Variants in UBAC2 observed in about 807,000 individuals in gnomAD.
The protein encoded by UBAC2 is ubiquitin-associated domain-containing protein 2.
UBAC2 carries 26 observed loss-of-function variants against 44.0 expected under a neutral mutation model. The ratio of observed to expected loss-of-function variants is 0.59; its 90% CI spans 0.43 to 0.82. UBAC2 has a LOEUF of 0.82. Among genes scored for constraint, UBAC2 ranks in the 40% least tolerant of loss-of-function variants. UBAC2 has a pLI of 0.00. For missense variants in UBAC2, 329 were observed against 419.4 expected (o/e 0.78, Z 1.88); for synonymous variants, 155 against 154.3 (o/e 1.00, Z -0.04).
rs947314062 is a variant in UBAC2, at chr13:99,206,672, G to A, written c.31+5733G>A. On this transcript the variant is annotated intron_variant, in intron 1 of 8. Coordinates refer to ENST00000403766, the MANE Select transcript of UBAC2 (RefSeq NM_001144072.2). ...TCGAGCAAAACCCTAACTTTGCATT[G>A]ATTTATGGGGTCAAGTCTGGGCCCT... 7.9e-5 allele frequency among the ~76,000 whole-genome samples: 12 copies of A among 152,218 alleles called. 1 individual carries two copies. Among genetic ancestry groups the A allele is most frequent in the Non-Finnish European group, 2.9e-5 (2 of 68,032 alleles).
At chr13:99,337,193 C>T (rs752348316) in intron 6 of UBAC2, among the ~76,000 whole-genome samples, 14 of 152,160 alleles carry the variant, frequency 9.2e-5, no homozygotes, top group Non-Finnish European at 1.9e-4. Flanking sequence ...TCCAACAAAA[C>T]ACCCTGTTAA....
chr13:99,237,265 T>TACACACACAC lies in UBAC2; in HGVS notation c.32-1161_32-1160insCACACACACA, dbSNP rs778879715. Among the ~76,000 whole-genome samples the TACACACACAC allele has an allele frequency of 4.1e-3, 464 of 114,050 alleles. 2 individuals carry two copies. Among genetic ancestry groups the TACACACACAC allele is most frequent in the African/African-American group, 0.013 (425 of 33,466 alleles). 74.8% of individuals were successfully genotyped at this position (114,050 alleles called of 152,430 possible). On this transcript the variant is annotated intron_variant, in intron 1 of 8. Coordinates refer to ENST00000403766, the MANE Select transcript of UBAC2 (RefSeq NM_001144072.2). ...AGAAAATTTTATGCGTATATATATATATATATACACACACACACACACACA... is the reference window on the plus strand; with the variant it reads ...AGAAAATTTTATGCGTATATATATATACACACACACATATATACACACACACACACACACA...
chr13:99,282,742 C>T (rs1362429982), intron 4 of UBAC2, among the ~76,000 whole-genome samples: 2 of 152,032 alleles, frequency 1.3e-5, no homozygotes, highest in Admixed American at 6.6e-5. Context: ...AAAGTTGCAC[C>T]TTGTGAAAGA....
At chr13:99,318,797 G>A (rs1383165711) in intron 6 of UBAC2, among the ~76,000 whole-genome samples, 3 of 142,016 alleles carry the variant, frequency 2.1e-5, no homozygotes, top group Non-Finnish European at 4.5e-5. Context: ...TCTCCAGCCT[G>A]GGCGACAGAG....
intron 2 of UBAC2, among the ~76,000 whole-genome samples, chr13:99,239,022 C>T: frequency 6.6e-6 from 1 of 152,152 alleles, no homozygotes; most frequent in Non-Finnish European, 1.5e-5. Context: ...TGGGAAAGAG[C>T]AGAAGTGCTT....
intron 4 of UBAC2, among the ~76,000 whole-genome samples, chr13:99,264,035 G>A (rs186367348): frequency 2.6e-5 from 4 of 152,332 alleles, no homozygotes; most frequent in East Asian, 3.9e-4. Flanking sequence ...CCCATCATCT[G>A]TATGGCAGGA....
In UBAC2 at chr13:99,262,710, C is replaced by CAAAAAAAAAAAAAAA. The variant is rs61627160; in HGVS notation, c.389+18102_389+18116dup. On this transcript the variant is annotated intron_variant, in intron 4 of 8. Transcript: ENST00000403766. ...TGGGCAACAGAGCAGAACTCCCTCT[C>CAAAAAAAAAAAAAAA]AAAAAAAAAAAAAAAAAAAAAAAAA... 4.2e-4 allele frequency among the ~76,000 whole-genome samples: 24 copies of CAAAAAAAAAAAAAAA among 57,164 alleles called. 1 individual carries two copies. The highest frequency in any genetic ancestry group is 1.6e-3 in the South Asian group (2 of 1,278). 37.5% of individuals were successfully genotyped at this position (57,164 alleles called of 152,430 possible). A position where few individuals can be genotyped will look rare whatever the true frequency, so the allele number is the denominator to read the frequency against.
intron 4 of UBAC2, among the ~76,000 whole-genome samples, chr13:99,247,767 G>T (rs1029920231): frequency 6.6e-6 from 1 of 152,088 alleles, no homozygotes; most frequent in African/African-American, 2.4e-5. Context: ...GTGCTTTACA[G>T]CTTTCAGTGT....
chr13:99,369,982 T>C (rs1183642890), intron 8 of UBAC2, among the ~76,000 whole-genome samples: 1 of 152,218 alleles, frequency 6.6e-6, no homozygotes, highest in Non-Finnish European at 1.5e-5. Flanking sequence ...TTGGGAGTCA[T>C]GCTGCCCAAG....
chr13:99,237,111 A>G (rs761631737), intron 1 of UBAC2, among the ~76,000 whole-genome samples: 50 of 152,322 alleles, frequency 3.3e-4, no homozygotes, highest in Middle Eastern at 3.4e-3. Flanking sequence ...ATGTGGAATC[A>G]ACTGAAGTGT....
At chr13:99,259,934 A>G (rs2043633573) in intron 4 of UBAC2, among the ~76,000 whole-genome samples, 2 of 152,222 alleles carry the variant, frequency 1.3e-5, no homozygotes, top group South Asian at 4.1e-4. Context: ...GGAGGCATCC[A>G]GGAGCACCTG....
intron 7 of UBAC2, among the ~76,000 whole-genome samples, chr13:99,363,441 C>T (rs540075713): frequency 6.6e-6 from 1 of 152,276 alleles, no homozygotes; most frequent in East Asian, 1.9e-4. Flanking sequence ...ACAGATAACA[C>T]AACATAGCAG....
intron 7 of UBAC2, among the ~76,000 whole-genome samples, chr13:99,365,487 G>A (rs1399284271): frequency 6.6e-6 from 1 of 151,930 alleles, no homozygotes; most frequent in Non-Finnish European, 1.5e-5. Context: ...TGATAGGTAG[G>A]TAATAGTTTT....
chr13:99,302,982 C>G (rs921625536), intron 4 of UBAC2, among the ~76,000 whole-genome samples: 2 of 145,620 alleles, frequency 1.4e-5, no homozygotes, highest in Non-Finnish European at 3.0e-5. Flanking sequence ...ATAGAGTTGA[C>G]TGTGGTCCGT....
At chr13:99,208,467 A>G (rs574237896) in intron 1 of UBAC2, among the ~76,000 whole-genome samples, 7 of 152,242 alleles carry the variant, frequency 4.6e-5, no homozygotes, top group Non-Finnish European at 7.3e-5. Context: ...ATAGGAAGTA[A>G]AAGGCCACAT....
At chr13:99,374,163 A>T (rs745393785) in intron 8 of UBAC2, among the ~76,000 whole-genome samples, 3 of 152,234 alleles carry the variant, frequency 2.0e-5, no homozygotes, top group Admixed American at 6.5e-5. Flanking sequence ...TTTTGTAAGA[A>T]GGAAACAGAG....
chr13:99,248,765 G>A (rs536469311), intron 4 of UBAC2, among the ~76,000 whole-genome samples: 2 of 152,158 alleles, frequency 1.3e-5, no homozygotes, highest in South Asian at 2.1e-4. Context: ...GGCCTCCAGC[G>A]ATCCTCCTGC....
intron 5 of UBAC2, among the ~76,000 whole-genome samples, chr13:99,317,601 T>C (rs992703567): frequency 1.3e-5 from 2 of 152,182 alleles, no homozygotes; most frequent in Non-Finnish European, 2.9e-5. Context: ...GTTAAGAAAT[T>C]AAAATGAGAA....
intron 1 of UBAC2, chr13:99,205,617 T>A (rs1012866971): frequency 1.3e-5 from 2 of 153,574 alleles, no homozygotes; most frequent in East Asian, 3.8e-4. Context: ...ACAAACAGAT[T>A]GAGATGGAGG....
Sources: gnomAD v4.1 joint callset for allele counts (sites outside exome capture counted in the v4.1 genomes callset) on GRCh38, gnomAD v4.1.1 for gene constraint, MANE v1.5 for transcripts, NCBI Gene and HGNC (gene_info 2026-07-23, HGNC 2026-07-21) for gene names.